Variants in SUPT3H observed in about 807,000 individuals in gnomAD.
SUPT3H encodes the protein transcription initiation protein SPT3 homolog.
A neutral mutation model predicts 44.3 loss-of-function variants in SUPT3H; 44 were observed. The ratio of observed to expected loss-of-function variants is 0.99; its 90% CI spans 0.78 to 1.28. The LOEUF (loss-of-function observed/expected upper bound fraction) is 1.28. Ranked by LOEUF, SUPT3H falls within the 50% of genes most tolerant of loss-of-function variation. The probability of loss-of-function intolerance (pLI) is 0.00; values close to 1 mark genes in which losing one functional copy is unlikely to be tolerated. For missense variants in SUPT3H, 380 were observed against 387.1 expected, an observed-to-expected ratio of 0.98 and a Z score of 0.15; for synonymous variants, 124 against 125.6, an observed-to-expected ratio of 0.99 and a Z score of 0.09.
At chr6:45,101,536 G>A (rs917820443) in intron 3 of SUPT3H, among the ~76,000 whole-genome samples, 1 of 152,212 alleles carries the variant, frequency 6.6e-6, no homozygotes, top group African/African-American at 2.4e-5. Flanking sequence ...GAGTTGTACA[G>A]AGATAAACAG....
At chr6:44,944,583 A>T (rs1582662258) in intron 9 of SUPT3H, among the ~76,000 whole-genome samples, 1 of 151,114 alleles carries the variant, frequency 6.6e-6, no homozygotes, top group South Asian at 2.1e-4. Context: ...ACACAGTGAA[A>T]CCCTGTCTCT....
intron 2 of SUPT3H, among the ~76,000 whole-genome samples, chr6:45,346,362 G>C (rs1384639228): frequency 6.6e-6 from 1 of 151,954 alleles, no homozygotes; most frequent in Non-Finnish European, 1.5e-5. Flanking sequence ...AACGAAGAAG[G>C]GTGAGAGGGT....
At chr6:44,895,978 A>T (rs1764067681) in intron 10 of SUPT3H, among the ~76,000 whole-genome samples, 1 of 151,968 alleles carries the variant, frequency 6.6e-6, no homozygotes, top group Admixed American at 6.6e-5. Flanking sequence ...AAGACTTCTT[A>T]CTTTTGAAGG....
In SUPT3H at chr6:44,964,732, G is replaced by C. The variant is rs150056407; in HGVS notation, c.505-2904C>G. The stretch of plus-strand genomic sequence containing the variant: ...GAGGAGCCCCACAAATCTGACCCTA[G>C]GGTATATATAAGAAGCCATTTATCC... On this transcript the variant is annotated intron_variant, in intron 6 of 10. Coordinates refer to ENST00000371459, the MANE Select transcript of SUPT3H (RefSeq NM_003599.4). Among the ~76,000 whole-genome samples, 280 of 152,246 alleles carry C rather than the reference G, an allele frequency of 1.8e-3. 1 individual carries two copies. The highest frequency in any genetic ancestry group is 0.014 in the Middle Eastern group (4 of 294).
At chr6:45,302,830 C>G (rs1228436203) in intron 2 of SUPT3H, among the ~76,000 whole-genome samples, 1 of 152,076 alleles carries the variant, frequency 6.6e-6, no homozygotes, top group Non-Finnish European at 1.5e-5. Context: ...TGCCTTTTCA[C>G]CACATCCATG....
intron 6 of SUPT3H, among the ~76,000 whole-genome samples, chr6:44,973,533 C>T (rs1266281021): frequency 6.6e-6 from 1 of 152,134 alleles, no homozygotes; most frequent in Non-Finnish European, 1.5e-5. Context: ...CCCATATTTT[C>T]CTGTCTTCTT....
intron 2 of SUPT3H, among the ~76,000 whole-genome samples, chr6:45,255,422 T>TC (rs1475589352): frequency 6.7e-6 from 1 of 149,484 alleles, no homozygotes; most frequent in Non-Finnish European, 1.5e-5. Flanking sequence ...TAATAGGTTT[T>TC]TTTTTTTTTT....
At chr6:45,009,993 T>C (rs959558064) in intron 5 of SUPT3H, among the ~76,000 whole-genome samples, 3 of 152,100 alleles carry the variant, frequency 2.0e-5, no homozygotes, top group Admixed American at 2.0e-4. Flanking sequence ...TGTCTTTCCA[T>C]TACTATCTAG....
chr6:44,822,556 G>A (rs1767408847), downstream of SUPT3H, among the ~76,000 whole-genome samples: 1 of 152,172 alleles, frequency 6.6e-6, no homozygotes, highest in Admixed American at 6.5e-5. Context: ...GTAGTGCAAA[G>A]TAATGCAAAT....
intron 9 of SUPT3H, among the ~76,000 whole-genome samples, chr6:44,948,791 T>G (rs1410548346): frequency 6.6e-6 from 1 of 152,074 alleles, no homozygotes; most frequent in Non-Finnish European, 1.5e-5. Flanking sequence ...ACACTGCTGG[T>G]GGGACTGTAA....
Position 45,359,141 on chromosome 6 carries a change from T to C in SUPT3H, c.101+6060A>G, listed in dbSNP as rs571339943. On this transcript the variant is annotated intron_variant, in intron 2 of 10. Coordinates refer to ENST00000371459, the MANE Select transcript of SUPT3H (RefSeq NM_003599.4). ...TAGTTATTATCTTCTCATGAGAGAA[T>C]TGATAGTAATATTTAAATAAAAAAA... Among the ~76,000 whole-genome samples, 13 of 152,284 alleles carry C rather than the reference T, an allele frequency of 8.5e-5. No individual in the cohort carries two copies. In the South Asian group the frequency reaches 2.3e-3, roughly 27 times the overall value.
At chr6:45,149,321 A>C (rs1806557797) in intron 2 of SUPT3H, among the ~76,000 whole-genome samples, 1 of 152,172 alleles carries the variant, frequency 6.6e-6, no homozygotes, top group South Asian at 2.1e-4. Context: ...AAGGAAAATC[A>C]TAACCAAAAA....
intron 2 of SUPT3H, among the ~76,000 whole-genome samples, chr6:45,348,269 C>G (rs942911618): frequency 6.6e-6 from 1 of 151,952 alleles, no homozygotes; most frequent in Admixed American, 6.6e-5. Flanking sequence ...CACTGAATAG[C>G]TGGATGACTC....
intron 10 of SUPT3H, among the ~76,000 whole-genome samples, chr6:44,879,013 C>A (rs928342292): frequency 2.6e-5 from 4 of 152,088 alleles, no homozygotes; most frequent in Admixed American, 6.5e-5. Context: ...TGGGCAGACA[C>A]CGAGCTAGCT....
chr6:44,966,301 C>T (rs897633910), intron 6 of SUPT3H, among the ~76,000 whole-genome samples: 2 of 151,816 alleles, frequency 1.3e-5, no homozygotes, highest in Admixed American at 6.6e-5. Context: ...AATGCTTACT[C>T]TTTACTGAGA....
At chr6:44,879,366 G>T (rs1777821498) in intron 10 of SUPT3H, among the ~76,000 whole-genome samples, 3 of 152,218 alleles carry the variant, frequency 2.0e-5, no homozygotes, top group African/African-American at 7.2e-5. Context: ...TGGCCAGTCT[G>T]CCTGTCTAGA....
chr6:44,906,827 A>C (rs1766174256), intron 10 of SUPT3H, among the ~76,000 whole-genome samples: 1 of 152,200 alleles, frequency 6.6e-6, no homozygotes, highest in Admixed American at 6.5e-5. Flanking sequence ...TCAAAAGTTT[A>C]AATAAGATGT....
rs1240576222 is a variant in SUPT3H at position 45,014,885 on chromosome 6, G to A, written c.280C>T (p.Leu94Phe). ...AACATGTATTTTAGCAGTCTTCTAA[G>A]TTTTTTCTATTAAAAATATAAAATA... is the stretch of plus-strand genomic sequence containing the variant. ...LFLMRKDKKK[L>F]RRLLKYMFIR... Residue 94 changes from leucine (L) to phenylalanine (F), a missense_variant, in exon 5 of 11, where the codon CTT (leucine) becomes TTT (phenylalanine). By Grantham distance (22) the Leu-to-Phe change is conservative (BLOSUM62 0). Transcript: ENST00000371459. 1 of 1,540,462 alleles carries A rather than the reference G, an allele frequency of 6.5e-7. No individual in the cohort carries two copies. The highest frequency in any genetic ancestry group is 1.4e-5 in the African/African-American group (1 of 71,666).
chr6:45,172,980 C>T (rs990477931), intron 2 of SUPT3H, among the ~76,000 whole-genome samples: 6 of 152,160 alleles, frequency 3.9e-5, no homozygotes. Flanking sequence ...ACAAAAAGTC[C>T]TTTATCAAAA....
Sources: gnomAD v4.1 joint callset for allele counts (sites outside exome capture counted in the v4.1 genomes callset) on GRCh38, gnomAD v4.1.1 for gene constraint, MANE v1.5 for transcripts, NCBI Gene and HGNC (gene_info 2026-07-23, HGNC 2026-07-21) for gene names.